PNMA2: variants seen among roughly 807,000 people sequenced by gnomAD.
The protein encoded by PNMA2 is PNMA family member 2, also known as paraneoplastic antigen Ma2.
For missense variants in PNMA2, 455 were observed against 452.9 expected, an observed-to-expected ratio of 1.00 and a Z score of -0.04; for synonymous variants, 175 against 183.5, an observed-to-expected ratio of 0.95 and a Z score of 0.38.
Position 26,508,839 on chromosome 8 carries a change from T to A in PNMA2, c.-84A>T. 6.6e-7 allele frequency: 1 copy of A among 1,523,958 alleles called. No individual in the cohort carries two copies. The highest frequency in any genetic ancestry group is 8.8e-7 in the Non-Finnish European group (1 of 1,138,552). 94.4% of individuals were successfully genotyped at this position (1,523,958 alleles called of 1,614,324 possible). A position where few individuals can be genotyped will look rare whatever the true frequency, so the allele number is the denominator to read the frequency against. ...ATGCACTGACTTAATATTGAAAATA[T>A]CCTGGATGAGCTTCTAACCTTAGAA... On this transcript the variant is annotated 5_prime_UTR_variant, in exon 3 of 3. Transcript: ENST00000522362. This position sits in a 1 kb window ranked among gnomAD's most constrained non-coding sequence, Gnocchi z 5.5.
rs1195601192 is a variant in PNMA2, at chr8:26,508,744, TGCCAGC to T, written c.6_11del (p.Ala4_Leu5del). ...TTATCCTGCACCAGTCCTCTAACAG[TGCCAGC>T]GCCATTGTCCTAAGAATTGACCCAC... On this transcript the variant is annotated inframe_deletion, in exon 3 of 3. Transcript: ENST00000522362. This position sits in a 1 kb window ranked among gnomAD's most constrained non-coding sequence, Gnocchi z 5.5. 1.2e-6 allele frequency: 2 copies of T among 1,610,718 alleles called. No homozygotes were observed. The highest frequency in any genetic ancestry group is 2.2e-5 in the South Asian group (2 of 90,364).
chr8:26,508,343 G>A lies in PNMA2; in HGVS notation c.413C>T (p.Ser138Leu), dbSNP rs149051178. The change falls in exon 3 of 3, where the codon TCA becomes TTA. Residue 138 changes from serine (S) to leucine (L), a missense_variant. Transcript: ENST00000522362. The surrounding 1 kb of genome is among the most constrained non-coding windows in gnomAD (Gnocchi z 5.5). Reference protein sequence around the residue: ...GVSPATVPCISPELLAHLLGQ... With the variant: ...GVSPATVPCILPELLAHLLGQ... ...CAACAAATGGGCCAGTAATTCTGGT[G>A]AGATGCAGGGCACTGTGGCTGGAGA... is the stretch of plus-strand genomic sequence containing the variant. The A allele has an allele frequency of 3.0e-5, 49 of 1,613,440 alleles. No individual in the cohort carries two copies. In the African/African-American group the frequency reaches 4.0e-4, roughly 13 times the overall value.
Position 26,508,758 on chromosome 8 carries a change from T to A in PNMA2, c.-3A>T, listed in dbSNP as rs761868075. 3 of 1,605,028 alleles carry A rather than the reference T, an allele frequency of 1.9e-6. No individual in the cohort carries two copies. On this transcript the variant is annotated 5_prime_UTR_variant, in exon 3 of 3. Transcript: ENST00000522362. This position sits in a 1 kb window ranked among gnomAD's most constrained non-coding sequence, Gnocchi z 5.5. ...TCCTCTAACAGTGCCAGCGCCATTG[T>A]CCTAAGAATTGACCCACTCTGACTC...
chr8:26,508,163 G>A lies in PNMA2; in HGVS notation c.593C>T (p.Thr198Ile), dbSNP rs757069924. The change falls in exon 3 of 3, where the codon ACA becomes ATA. Residue 198 changes from threonine to isoleucine, a missense_variant. Thr to Ile is a moderately conservative substitution (Grantham distance 89, BLOSUM62 -1). Transcript: ENST00000522362. This position sits in a 1 kb window ranked among gnomAD's most constrained non-coding sequence, Gnocchi z 5.5. Reference protein sequence around the residue: ...ATEIVKEWPVTEAEKKRWLAE... With the variant: ...ATEIVKEWPVIEAEKKRWLAE... The stretch of plus-strand genomic sequence containing the variant: ...CAGCCACCTTTTCTTTTCTGCCTCT[G>A]TTACTGGCCACTCTTTGACTATCTC... 9.9e-6 allele frequency: 16 copies of A among 1,614,196 alleles called. No homozygotes were observed. The highest frequency in any genetic ancestry group is 1.6e-4 in the Middle Eastern group (1 of 6,062).
At position 26,508,580 on chromosome 8, in the gene PNMA2, T is replaced by C; in HGVS notation, c.176A>G (p.Gln59Arg). ...TAGTAAGACAGCATTGGCATTCTCC[T>C]GCTTCCGGAATATCTTGCCAAGCAG... ...YRLLGKIFRKQENANAVLLEL... is the reference protein window; with the variant it reads ...YRLLGKIFRKRENANAVLLEL... The change falls in exon 3 of 3, where the codon CAG (glutamine) becomes CGG (arginine). Residue 59 changes from glutamine to arginine, a missense_variant. Transcript: ENST00000522362. This position sits in a 1 kb window ranked among gnomAD's most constrained non-coding sequence, Gnocchi z 5.5. 2 of 1,614,218 alleles carry C rather than the reference T, an allele frequency of 1.2e-6. No individual in the cohort carries two copies. The highest frequency in any genetic ancestry group is 8.5e-7 in the Non-Finnish European group (1 of 1,180,034).
rs749532053 is a variant in PNMA2, at chr8:26,507,945, G to A, written c.811C>T (p.Arg271Trp). The A allele has an allele frequency of 1.9e-6, 3 of 1,613,962 alleles. No individual in the cohort carries two copies. Among genetic ancestry groups the A allele is most frequent in the Non-Finnish European group, 2.5e-6 (3 of 1,180,038 alleles). ...GCTCTCCGGAGCAGGGTTTCTAGCC[G>A]TAACACATAGGCTGAGACCTTCTCT... ...EGEKVSAYVL[R>W]LETLLRRAVE... Residue 271 changes from arginine to tryptophan, a missense_variant, in exon 3 of 3, where the codon CGG becomes TGG. Transcript: ENST00000522362.
chr8:26,508,667 A>G lies in PNMA2; in HGVS notation c.89T>C (p.Phe30Ser). ...SLMVTGIPAD[F>S]EEAEIQEVLQ... ...GACCTCCTGAATCTCAGCCTCCTCAAAGTCCGCCGGTATCCCCGTAACCAT... is the reference window on the plus strand; with the variant it reads ...GACCTCCTGAATCTCAGCCTCCTCAGAGTCCGCCGGTATCCCCGTAACCAT... The change falls in exon 3 of 3, where the codon TTT (phenylalanine) becomes TCT (serine). Residue 30 changes from phenylalanine (F) to serine (S), a missense_variant. Physicochemically the swap from Phe to Ser is radical, Grantham distance 155. Coordinates refer to ENST00000522362, the MANE Select transcript of PNMA2 (RefSeq NM_007257.6). The surrounding 1 kb of genome is among the most constrained non-coding windows in gnomAD (Gnocchi z 5.5). 6.2e-7 allele frequency: 1 copy of G among 1,614,086 alleles called. No homozygotes were observed. Among genetic ancestry groups the G allele is most frequent in the Non-Finnish European group, 8.5e-7 (1 of 1,180,018 alleles).
intron 1 of PNMA2, chr8:26,511,505 T>A (rs1196505260): frequency 6.5e-6 from 1 of 153,304 alleles, no homozygotes; most frequent in Non-Finnish European, 1.5e-5. Context: ...CCAGGTGCAG[T>A]GGCTTACACC....
rs995903346 is a variant in PNMA2 at position 26,508,591 on chromosome 8, T to G, written c.165A>C (p.Ile55=). 6.2e-7 allele frequency: 1 copy of G among 1,614,170 alleles called. No homozygotes were observed. Among genetic ancestry groups the G allele is most frequent in the Non-Finnish European group, 8.5e-7 (1 of 1,180,034 alleles). ...CATTGGCATTCTCCTGCTTCCGGAA[T>G]ATCTTGCCAAGCAGTCTATACCTGC... is the stretch of plus-strand genomic sequence containing the variant. ...SLGRYRLLGK[I]FRKQENANAV... is the part of the protein sequence containing the mutation. The change falls in exon 3 of 3, where the codon ATA becomes ATC. Residue 55 remains isoleucine (I), a synonymous_variant. Transcript: ENST00000522362. The surrounding 1 kb of genome is among the most constrained non-coding windows in gnomAD (Gnocchi z 5.5).
intron 1 of PNMA2, among the ~76,000 whole-genome samples, chr8:26,510,466 C>T (rs1808129887): frequency 6.6e-6 from 1 of 152,220 alleles, no homozygotes; most frequent in African/African-American, 2.4e-5. Context: ...TTTTTTGAGA[C>T]AGGGTCTCAC....
In PNMA2 at chr8:26,508,217, G is replaced by C. The variant is rs139489073; in HGVS notation, c.539C>G (p.Ser180Cys). 6.2e-7 allele frequency: 1 copy of C among 1,609,548 alleles called. No individual in the cohort carries two copies. Among genetic ancestry groups the C allele is most frequent in the East Asian group, 2.2e-5 (1 of 44,814 alleles). ...GGCCTGTTCCAACCAGACCTCAAAG[G>C]ACTCTTCCTCTGGGGCTGGGACAGC... ...GSAVPAPEEE[S>C]FEVWLEQATE... is the part of the protein sequence containing the mutation. The change falls in exon 3 of 3, where the codon TCC becomes TGC. Residue 180 changes from serine to cysteine, a missense_variant. Physicochemically the swap from Ser to Cys is moderately radical, Grantham distance 112 (BLOSUM62 -1). Coordinates refer to ENST00000522362, the MANE Select transcript of PNMA2 (RefSeq NM_007257.6). The surrounding 1 kb of genome is among the most constrained non-coding windows in gnomAD (Gnocchi z 5.5).
rs199559488 is a variant in PNMA2, at chr8:26,508,380, G to A, written c.376C>T (p.Gln126Ter). 16 of 1,614,200 alleles carry A rather than the reference G, an allele frequency of 9.9e-6. No individual in the cohort carries two copies. The African/African-American group carries it at 2.0e-4, about 20-fold the overall frequency. Residue 126 changes from glutamine to a stop codon, truncating the protein, a stop_gained, in exon 3 of 3, where the codon CAG (glutamine) becomes TAG (stop). Coordinates refer to ENST00000522362, the MANE Select transcript of PNMA2 (RefSeq NM_007257.6). LOFTEE classifies it high-confidence loss of function. This position sits in a 1 kb window ranked among gnomAD's most constrained non-coding sequence, Gnocchi z 5.5. ...ACTGTGGCTGGAGACACGCCCTCCT[G>A]CCCCAGGGCTCGAAACATACCCGAG... ...TVSGMFRALGQEGVSPATVPC... is the reference protein window; with the variant it reads ...TVSGMFRALG
rs1808025948 is a variant in PNMA2, at chr8:26,505,086, C to G, written c.*2575G>C. The G allele has an allele frequency of 6.6e-6, 1 of 152,296 alleles. No individual in the cohort carries two copies. The allele number at this position is 152,296 out of a possible 1,614,324, so 9.4% of individuals were successfully genotyped here. Reference sequence around the variant, plus strand: ...TAAGAGATGAAACGGTTTCTAACACCAGGGTAGACTGGAAGTCAACTGGAA... The same window carrying G: ...TAAGAGATGAAACGGTTTCTAACACGAGGGTAGACTGGAAGTCAACTGGAA... On this transcript the variant is annotated 3_prime_UTR_variant, in exon 3 of 3. Transcript: ENST00000522362.
intron 1 of PNMA2, chr8:26,512,722 A>T (rs1490560721): frequency 6.6e-6 from 1 of 152,276 alleles, no homozygotes; most frequent in Non-Finnish European, 1.5e-5. Flanking sequence ...CATCGCGCAG[A>T]GGCAGGGACT....
Position 26,507,345 on chromosome 8 carries a change from A to ACCTGAG in PNMA2, c.*310_*315dup, listed in dbSNP as rs994502124. ...CTTGGGAGGCTAAGGTGTGAGGATC[A>ACCTGAG]CCTGAGCCTGAGCCTGGGAAGTCAA... On this transcript the variant is annotated 3_prime_UTR_variant, in exon 3 of 3. Coordinates refer to ENST00000522362, the MANE Select transcript of PNMA2 (RefSeq NM_007257.6). 2.7e-5 allele frequency: 6 copies of ACCTGAG among 223,680 alleles called. No individual in the cohort carries two copies. The highest frequency in any genetic ancestry group is 1.4e-4 in the South Asian group (1 of 7,198). 13.9% of individuals were successfully genotyped at this position (223,680 alleles called of 1,614,324 possible).
At chr8:26,510,784 A>G (rs187186501) in intron 1 of PNMA2, among the ~76,000 whole-genome samples, 108 of 152,300 alleles carry the variant, frequency 7.1e-4, no homozygotes, top group Middle Eastern at 6.8e-3. Context: ...ATCATTTGAG[A>G]AAAAAGAAAA....
intron 1 of PNMA2, among the ~76,000 whole-genome samples, chr8:26,513,388 G>GCCCCCCCCCCCCCCCC (rs148272306): frequency 9.2e-5 from 13 of 141,008 alleles, no homozygotes; most frequent in Admixed American, 1.4e-4. Context: ...CATGTTGTGT[G>GCCCCCCCCCCCCCCCC]CCCCCCCCCC....
chr8:26,513,281 C>T (rs962230208), intron 1 of PNMA2, among the ~76,000 whole-genome samples: 6 of 152,000 alleles, frequency 3.9e-5, no homozygotes, highest in African/African-American at 1.5e-4. Flanking sequence ...GCTGGAATTC[C>T]CGACTGCACT....
chr8:26,511,151 CAAA>C (rs34369103), intron 1 of PNMA2, among the ~76,000 whole-genome samples: 5 of 115,830 alleles, frequency 4.3e-5, no homozygotes, highest in South Asian at 2.9e-4. Context: ...GACTCTGTCT[CAAA>C]AAAAAAAAAA....
Sources: gnomAD v4.1 joint callset for allele counts (sites outside exome capture counted in the v4.1 genomes callset) on GRCh38, gnomAD v4.1.1 for gene constraint, Gnocchi (gnomAD v3.1) non-coding constraint, MANE v1.5 for transcripts, NCBI Gene and HGNC (gene_info 2026-07-23, HGNC 2026-07-21) for gene names.